Variants in PPM1B observed in about 807,000 individuals in gnomAD.
PPM1B encodes protein phosphatase, Mg2+/Mn2+ dependent 1B.
In PPM1B, 22 loss-of-function variants were observed where a neutral mutation model predicts 43.0. That is an observed-to-expected ratio of 0.51 (90% CI 0.37 to 0.73). PPM1B has a LOEUF of 0.73. Among genes scored for constraint, PPM1B ranks in the 30% least tolerant of loss-of-function variants. The pLI is 0.00. For missense variants in PPM1B, 632 were observed against 584.2 expected, an observed-to-expected ratio of 1.08 and a Z score of -0.84; for synonymous variants, 217 against 197.9, an observed-to-expected ratio of 1.10 and a Z score of -0.81.
chr2:44,215,742 C>T (rs1467855082), intron 3 of PPM1B, among the ~76,000 whole-genome samples: 1 of 152,072 alleles, frequency 6.6e-6, no homozygotes, highest in Non-Finnish European at 1.5e-5. Context: ...GAACATGTGT[C>T]ACTGAGGATA....
At chr2:44,244,405 C>T, downstream of PPM1B, 1 of 1,299,184 alleles carries the variant, frequency 7.7e-7, no homozygotes, top group Non-Finnish European at 1.0e-6. Flanking sequence ...TGCTGTTAAC[C>T]TTTAATCTTA....
At chr2:44,211,010 C>G (rs1160898910) in intron 3 of PPM1B, among the ~76,000 whole-genome samples, 2 of 152,080 alleles carry the variant, frequency 1.3e-5, no homozygotes, top group African/African-American at 4.8e-5. Context: ...GTGGCAGGTG[C>G]CTGTAATCCC....
downstream of PPM1B, among the ~76,000 whole-genome samples, chr2:44,246,002 AC>A (rs1670848082): frequency 6.6e-6 from 1 of 152,044 alleles, no homozygotes; most frequent in Non-Finnish European, 1.5e-5. Context: ...CCAAAATTTA[AC>A]CCCACCTATT....
chr2:44,215,265 C>T (rs774168645), intron 3 of PPM1B, among the ~76,000 whole-genome samples: 2 of 152,230 alleles, frequency 1.3e-5, no homozygotes, highest in Admixed American at 6.5e-5. Flanking sequence ...ACTAGGAGTT[C>T]AAGACCAGCC....
At chr2:44,236,402 C>CAAAAAAAAAAAAAAAAAAAAAA (rs61414038), downstream of PPM1B, among the ~76,000 whole-genome samples, 64 of 47,516 alleles carry the variant, frequency 1.3e-3, 6 homozygotes, top group Non-Finnish European at 1.8e-3. Context: ...GACTCCGTCT[C>CAAAAAAAAAAAAAAAAAAAAAA]AAAAAAAAAA....
downstream of PPM1B, among the ~76,000 whole-genome samples, chr2:44,236,241 A>T (rs542774138): frequency 6.6e-6 from 1 of 151,784 alleles, no homozygotes; most frequent in African/African-American, 2.4e-5. Flanking sequence ...CTTAAAAAAT[A>T]AAAATAAAAA....
At chr2:44,234,856 C>G (rs1173632242), downstream of PPM1B, among the ~76,000 whole-genome samples, 1 of 152,068 alleles carries the variant, frequency 6.6e-6, no homozygotes, top group East Asian at 1.9e-4. Context: ...AAATAATTGT[C>G]TTATAAGTTA....
chr2:44,233,275 A>T (rs1020979969), downstream of PPM1B: 6 of 903,350 alleles, frequency 6.6e-6, no homozygotes, highest in Non-Finnish European at 7.9e-6. Flanking sequence ...AAATACATTT[A>T]AAATTATCTA....
In PPM1B at chr2:44,230,482, A is replaced by C; in HGVS notation, c.1204A>C (p.Asn402His). 6.2e-7 allele frequency: 1 copy of C among 1,614,158 alleles called. No homozygotes were observed. The highest frequency in any genetic ancestry group is 8.5e-7 in the Non-Finnish European group (1 of 1,180,008). Residue 402 changes from asparagine to histidine, a missense_variant, in exon 6 of 6, where the codon AAT (asparagine) becomes CAT (histidine). Around this residue, in one of 3 missense-constraint regions of PPM1B, gnomAD observed 392 missense variants for 302.7 expected, o/e 1.29. Coordinates refer to ENST00000282412, the MANE Select transcript of PPM1B (RefSeq NM_002706.6). The stretch of plus-strand genomic sequence containing the variant: ...GGAAGCTCTCAGGCAAATGAGAATT[A>C]ATCATAGGGGAAACTACCGACAACT... ...LVEALRQMRINHRGNYRQLLE... is the reference protein window; with the variant it reads ...LVEALRQMRIHHRGNYRQLLE...
intron 1 of PPM1B, among the ~76,000 whole-genome samples, chr2:44,197,488 CT>C (rs1668720447): frequency 6.6e-6 from 1 of 152,200 alleles, no homozygotes; most frequent in Admixed American, 6.5e-5. Flanking sequence ...CATTACTCTT[CT>C]GTTAACTAAA....
chr2:44,199,306 AAAAAAAAAAAAT>A (rs1316123218), intron 1 of PPM1B, among the ~76,000 whole-genome samples: 1 of 131,990 alleles, frequency 7.6e-6, no homozygotes, highest in East Asian at 2.1e-4. Flanking sequence ...TAGATCTCAA[AAAAAAAAAAAAT>A]AAAAATAAAA....
intron 5 of PPM1B, among the ~76,000 whole-genome samples, chr2:44,228,952 G>T (rs1670349194): frequency 6.6e-6 from 1 of 152,164 alleles, no homozygotes. Context: ...GGAGGCCGAT[G>T]CAGGCAGATC....
chr2:44,175,529 G>A (rs7581903), intron 1 of PPM1B, among the ~76,000 whole-genome samples: 14 of 152,208 alleles, frequency 9.2e-5, no homozygotes, highest in African/African-American at 3.4e-4. Flanking sequence ...AATCCTTGTC[G>A]TTGACGATCT....
At chr2:44,177,704 C>G (rs1667649028) in intron 1 of PPM1B, among the ~76,000 whole-genome samples, 1 of 151,944 alleles carries the variant, frequency 6.6e-6, no homozygotes, top group African/African-American at 2.4e-5. Flanking sequence ...AGACATGAGC[C>G]ACCGCGCCCG....
At chr2:44,224,086 A>G (rs1489420210) in intron 5 of PPM1B, among the ~76,000 whole-genome samples, 2 of 152,166 alleles carry the variant, frequency 1.3e-5, no homozygotes, top group East Asian at 1.9e-4. Flanking sequence ...TCTGACAAGC[A>G]GCACGTAGGA....
At chr2:44,233,038 C>CA (rs1670513479), downstream of PPM1B, 1 of 982,854 alleles carries the variant, frequency 1.0e-6, no homozygotes, top group South Asian at 4.7e-5. Context: ...CTTTTGAAAC[C>CA]AAATGGATTA....
At chr2:44,217,861 TA>T (rs930967334) in intron 3 of PPM1B, 105 bp from the exon 4 acceptor site, 20 of 564,954 alleles carry the variant, frequency 3.5e-5, no homozygotes, top group Non-Finnish European at 5.4e-5. Context: ...TAATTTTTTT[TA>T]ATATATTTTA....
intron 1 of PPM1B, among the ~76,000 whole-genome samples, chr2:44,198,498 T>G (rs1449762455): frequency 6.6e-6 from 1 of 152,210 alleles, no homozygotes; most frequent in East Asian, 1.9e-4. Context: ...GATAATTGTT[T>G]GCTTTTTTGA....
At chr2:44,217,399 CAA>C (rs1271175043) in intron 3 of PPM1B, among the ~76,000 whole-genome samples, 15 of 89,920 alleles carry the variant, frequency 1.7e-4, no homozygotes, top group Admixed American at 1.2e-4. Flanking sequence ...AACTCCGTCT[CAA>C]AAAAAAAAAA....
Sources: allele counts gnomAD v4.1 joint callset (sites outside exome capture counted in the v4.1 genomes callset), GRCh38; gene constraint gnomAD v4.1.1; regional missense constraint gnomAD v4.1.1; transcripts MANE v1.5; gene names NCBI Gene and HGNC (gene_info 2026-07-23, HGNC 2026-07-21).